AMPH: variants seen among roughly 807,000 people sequenced by gnomAD.
AMPH encodes amphiphysin.
Under a neutral mutation model 99.1 loss-of-function variants are expected in AMPH, and 49 were observed. The ratio of observed to expected loss-of-function variants is 0.49; its 90% confidence interval spans 0.39 to 0.63. The LOEUF (loss-of-function observed/expected upper bound fraction) is 0.63, where lower values mean the gene tolerates loss of function less well. Among genes scored for constraint, AMPH ranks in the 20% least tolerant of loss-of-function variants. AMPH has a pLI of 0.00. For missense variants in AMPH, 759 were observed against 863.4 expected (o/e 0.88, Z 1.52); for synonymous variants, 314 against 317.3 (o/e 0.99, Z 0.11).
chr7:38,409,852 T>A (rs367592323), intron 17 of AMPH, among the ~76,000 whole-genome samples: 5 of 152,344 alleles, frequency 3.3e-5, no homozygotes, highest in African/African-American at 9.6e-5. Flanking sequence ...TTTGTGTCAG[T>A]ATATCCAATA....
At chr7:38,490,127 C>T (rs1002893015) in intron 5 of AMPH, among the ~76,000 whole-genome samples, 1 of 152,084 alleles carries the variant, frequency 6.6e-6, no homozygotes, top group Non-Finnish European at 1.5e-5. Context: ...TGTCTCAAAA[C>T]ATGTTCCCTG....
intron 1 of AMPH, among the ~76,000 whole-genome samples, chr7:38,545,350 A>C (rs1285983460): frequency 6.6e-6 from 1 of 152,186 alleles, no homozygotes; most frequent in South Asian, 2.1e-4. Context: ...CTTTACACCA[A>C]GAACAGCTTG....
At chr7:38,427,411 G>A (rs1785819685) in intron 14 of AMPH, among the ~76,000 whole-genome samples, 1 of 152,178 alleles carries the variant, frequency 6.6e-6, no homozygotes, top group Non-Finnish European at 1.5e-5. Context: ...GGCCTGGGTT[G>A]AAACATTTCG....
intron 1 of AMPH, among the ~76,000 whole-genome samples, chr7:38,536,682 T>C (rs1790616436): frequency 6.6e-6 from 1 of 152,154 alleles, no homozygotes; most frequent in African/African-American, 2.4e-5. Context: ...GTAAGTAATA[T>C]GAAATATGCT....
intron 4 of AMPH, among the ~76,000 whole-genome samples, chr7:38,491,823 A>T (rs1283587589): frequency 6.6e-6 from 1 of 152,206 alleles, no homozygotes; most frequent in Non-Finnish European, 1.5e-5. Context: ...ACAGGCTTCA[A>T]CTCAGATTTG....
At chr7:38,561,626 G>A (rs1791553997) in intron 1 of AMPH, among the ~76,000 whole-genome samples, 1 of 152,238 alleles carries the variant, frequency 6.6e-6, no homozygotes, top group Non-Finnish European at 1.5e-5. Context: ...CGGTTCAGAT[G>A]AAGGAGGGTG....
intron 2 of AMPH, among the ~76,000 whole-genome samples, chr7:38,521,590 ATTTTTG>A (rs1253322879): frequency 6.6e-6 from 1 of 152,142 alleles, no homozygotes; most frequent in Non-Finnish European, 1.5e-5. Flanking sequence ...AGGTAGAGAG[ATTTTTG>A]GAAAAGTGCA....
intron 17 of AMPH, among the ~76,000 whole-genome samples, chr7:38,396,857 C>A (rs921070639): frequency 1.3e-5 from 2 of 152,224 alleles, no homozygotes; most frequent in Non-Finnish European, 2.9e-5. Flanking sequence ...AACAGGATTT[C>A]TCTACGACAC....
At chr7:38,603,038 T>C (rs1008673268) in intron 1 of AMPH, among the ~76,000 whole-genome samples, 33 of 152,016 alleles carry the variant, frequency 2.2e-4, no homozygotes, top group African/African-American at 7.7e-4. Context: ...GATGAGAAAA[T>C]AGTACCATAT....
chr7:38,391,017 A>AGAGAGAGAG (rs1784478905), intron 19 of AMPH, among the ~76,000 whole-genome samples: 1 of 99,268 alleles, frequency 1.0e-5, no homozygotes, highest in Non-Finnish European at 2.2e-5. Flanking sequence ...GAGAGAGAGA[A>AGAGAGAGAG]TGATACAACA....
chr7:38,454,290 C>T (rs1230927639), intron 11 of AMPH, among the ~76,000 whole-genome samples: 1 of 152,114 alleles, frequency 6.6e-6, no homozygotes, highest in Non-Finnish European at 1.5e-5. Flanking sequence ...ACCATCTCTG[C>T]TATTATTAAT....
chr7:38,631,194 G>T, intron 1 of AMPH, 89 bp downstream of exon 1: 2 of 1,177,442 alleles, frequency 1.7e-6, no homozygotes, highest in Non-Finnish European at 2.1e-6. Flanking sequence ...GCACCCCGAG[G>T]CTCGGGCCCC....
At chr7:38,581,339 T>C (rs1209785115) in intron 1 of AMPH, among the ~76,000 whole-genome samples, 2 of 152,008 alleles carry the variant, frequency 1.3e-5, no homozygotes. Flanking sequence ...TGATCTAAGG[T>C]CGACAACAGA....
At chr7:38,575,677 C>G (rs1301871883) in intron 1 of AMPH, among the ~76,000 whole-genome samples, 2 of 152,178 alleles carry the variant, frequency 1.3e-5, no homozygotes, top group Non-Finnish European at 2.9e-5. Context: ...GCCTCCCCAG[C>G]CATGCTGAAC....
intron 5 of AMPH, among the ~76,000 whole-genome samples, chr7:38,486,538 G>A (rs1053249427): frequency 1.3e-5 from 2 of 151,984 alleles, no homozygotes; most frequent in Non-Finnish European, 1.5e-5. Flanking sequence ...TTCTTCTCAA[G>A]CTCTTCCAAA....
At position 38,624,379 on chromosome 7, in the gene AMPH, T is replaced by TTATTATTAGTATTAG. The variant is rs1554380229; in HGVS notation, c.69+6903_69+6904insCTAATACTAATAATA. On this transcript the variant is annotated intron_variant, in intron 1 of 20. Transcript: ENST00000356264. ...AAATAGTCTAACTCCCTTATTATTA[T>TTATTATTAGTATTAG]TATTAGTATTAGTATTAGTATTAGT... Among the ~76,000 whole-genome samples, 1,064 of 151,836 alleles carry TTATTATTAGTATTAG rather than the reference T, an allele frequency of 7.0e-3. 14 individuals carry two copies. Among genetic ancestry groups the TTATTATTAGTATTAG allele is most frequent in the African/African-American group, 0.024 (993 of 41,258 alleles).
intron 11 of AMPH, among the ~76,000 whole-genome samples, chr7:38,448,822 G>A (rs529674309): frequency 1.3e-5 from 2 of 152,302 alleles, no homozygotes; most frequent in East Asian, 3.9e-4. Flanking sequence ...AAATGCTCTA[G>A]GAATGAGTTG....
chr7:38,439,410 T>C (rs1786417290), intron 11 of AMPH, among the ~76,000 whole-genome samples: 1 of 152,226 alleles, frequency 6.6e-6, no homozygotes, highest in African/African-American at 2.4e-5. Context: ...TTGAGAATTA[T>C]CCCTTAAGGT....
intron 1 of AMPH, among the ~76,000 whole-genome samples, chr7:38,620,488 G>T (rs1794017593): frequency 6.7e-6 from 1 of 150,320 alleles, no homozygotes; most frequent in Non-Finnish European, 1.5e-5. Context: ...GCTGCCATAA[G>T]TTGGGAGATC....
Sources: allele counts gnomAD v4.1 joint callset (sites outside exome capture counted in the v4.1 genomes callset), GRCh38; gene constraint gnomAD v4.1.1; transcripts MANE v1.5; gene names NCBI Gene and HGNC (gene_info 2026-07-23, HGNC 2026-07-21).